The following SLC18B1 variants were observed in gnomAD, a reference collection of about 807,000 sequenced individuals.
SLC18B1 encodes MFS-type transporter SLC18B1.
SLC18B1 carries 62 observed loss-of-function variants against 53.9 expected under a neutral mutation model. The ratio of observed to expected loss-of-function variants is 1.15; its 90% CI spans 0.94 to 1.42. The LOEUF (loss-of-function observed/expected upper bound fraction) is 1.42, where lower values mean the gene tolerates loss of function less well. Among genes scored for constraint, SLC18B1 ranks in the 40% most tolerant of loss-of-function variants. The probability of loss-of-function intolerance (pLI) is 0.00; values close to 1 mark genes in which losing one functional copy is unlikely to be tolerated. For synonymous variants in SLC18B1, 217 were observed against 200.9 expected (o/e 1.08, Z -0.68); for missense variants, 598 against 547.3 (o/e 1.09, Z -0.93).
At chr6:132,780,640 C>T (rs564639271) in intron 6 of SLC18B1, among the ~76,000 whole-genome samples, 12 of 137,384 alleles carry the variant, frequency 8.7e-5, no homozygotes, top group African/African-American at 3.1e-4. Flanking sequence ...CAGCTCACTG[C>T]AACCTCCACC....
intron 5 of SLC18B1, among the ~76,000 whole-genome samples, chr6:132,785,183 T>C (rs1781339680): frequency 6.6e-6 from 1 of 152,014 alleles, no homozygotes; most frequent in African/African-American, 2.4e-5. Context: ...GGAATTTCTC[T>C]GCAAGAAACC....
At chr6:132,790,445 G>A (rs1410704570) in intron 2 of SLC18B1, among the ~76,000 whole-genome samples, 173 bp from the exon 3 acceptor site, 1 of 152,122 alleles carries the variant, frequency 6.6e-6, no homozygotes, top group African/African-American at 2.4e-5. Context: ...ACTATTAATA[G>A]TTTAGATAGT....
chr6:132,797,174 G>A (rs1023290358), intron 1 of SLC18B1, 53 bp from the exon 2 acceptor site: 7 of 1,600,348 alleles, frequency 4.4e-6, no homozygotes, highest in Middle Eastern at 3.3e-4. Flanking sequence ...ACTGATTAAA[G>A]TACACAAATG....
rs77481891 is a variant in SLC18B1, at chr6:132,783,784, A to G, written c.658+149T>C. 2.1e-3 allele frequency: 1,210 copies of G among 579,484 alleles called. 11 individuals carry two copies. Among genetic ancestry groups the G allele is most frequent in the African/African-American group, 0.019 (974 of 50,916 alleles). 35.9% of individuals were successfully genotyped at this position (579,484 alleles called of 1,614,324 possible). ...TTTGTAATTTACAGAAATTCATATA[A>G]ACTAATTGCCTACATTACTGAAAAA... On this transcript the variant is annotated intron_variant, in intron 6 of 13. Transcript: ENST00000275227.
chr6:132,780,818 C>T (rs925409892), intron 6 of SLC18B1, among the ~76,000 whole-genome samples: 5 of 152,030 alleles, frequency 3.3e-5, no homozygotes, highest in African/African-American at 1.2e-4. Context: ...CCTTGGCCTC[C>T]CAAAGTGCTG....
intron 4 of SLC18B1, among the ~76,000 whole-genome samples, chr6:132,787,900 G>A (rs182828856): frequency 1.1e-4 from 16 of 152,122 alleles, no homozygotes; most frequent in South Asian, 2.1e-4. Context: ...AGTGGCTCAC[G>A]CCTGTAATCC....
rs59989552 is a variant in SLC18B1 at position 132,798,425 on chromosome 6, C to T, written c.32G>A (p.Arg11His). The T allele has an allele frequency of 2.6e-6, 4 of 1,534,216 alleles. No homozygotes were observed. The highest frequency in any genetic ancestry group is 2.6e-6 in the Non-Finnish European group (3 of 1,138,604). Residue 11 changes from arginine to histidine, a missense_variant, in exon 1 of 14, where the codon CGC becomes CAC. By Grantham distance (29) the Arg-to-His change is conservative. Transcript: ENST00000275227. ...CAATTCATGGTCACCTCCTGGTGCG[C>T]GTGGTCCCTCCAGGTCACCCAGCGC... is the stretch of plus-strand genomic sequence containing the variant. The part of the protein sequence containing the change: MEALGDLEGP[R>H]APGGDDPAGS...
intron 4 of SLC18B1, among the ~76,000 whole-genome samples, chr6:132,788,828 G>GAA (rs1158922120): frequency 0.077 from 5,440 of 70,196 alleles, 167 homozygotes; most frequent in Non-Finnish European, 0.11. Context: ...ATCTCAAAAA[G>GAA]AAAAAAAAAA....
At chr6:132,784,613 C>T (rs181984986) in intron 5 of SLC18B1, among the ~76,000 whole-genome samples, 3 of 152,146 alleles carry the variant, frequency 2.0e-5, no homozygotes, top group South Asian at 2.1e-4. Flanking sequence ...CTATCTCTAT[C>T]GAACACTCTA....
intron 2 of SLC18B1, among the ~76,000 whole-genome samples, chr6:132,796,024 C>A (rs541946852): frequency 4.4e-4 from 67 of 151,874 alleles, no homozygotes; most frequent in African/African-American, 1.6e-3. Context: ...GCCAGACTGC[C>A]CAACATGGCA....
chr6:132,776,413 C>T lies in SLC18B1; in HGVS notation c.812G>A (p.Gly271Glu). Residue 271 changes from glycine (G) to glutamate (E), a missense_variant, in exon 8 of 14, where the codon GGA becomes GAA. Physicochemically the swap from Gly to Glu is moderately conservative, Grantham distance 98. Coordinates refer to ENST00000275227, the MANE Select transcript of SLC18B1 (RefSeq NM_052831.3). ...ACCCAGGAATACTAGTCCCACATAT[C>T]CAGCTGGTAAATTGAACTGTAAAAG... ...FVLEKFNLPA[G>E]YVGLVFLGMA... is the part of the protein sequence containing the mutation. 1 of 1,613,022 alleles carries T rather than the reference C, an allele frequency of 6.2e-7. No individual in the cohort carries two copies. The highest frequency in any genetic ancestry group is 8.5e-7 in the Non-Finnish European group (1 of 1,179,478).
At position 132,779,272 on chromosome 6, in the gene SLC18B1, TC is replaced by T. The variant is rs761514070; in HGVS notation, c.790del (p.Glu264ArgfsTer12). The T allele has an allele frequency of 1.9e-6, 3 of 1,613,822 alleles. No homozygotes were observed. The South Asian group carries it at 3.3e-5, about 18-fold the overall frequency. The stretch of plus-strand genomic sequence containing the variant: ...TTCAGCAATCAGGTAACTTACCTTC[TC>T]CAAAACAAAGAGAGACAGAGTAGGA... Reference protein sequence around the residue: ...LDPTLSLFVLEKFNLPAGYVG... With the variant: ...LDPTLSLFVLXKFNLPAGYVG... On this transcript the variant is annotated frameshift_variant, in exon 7 of 14. Coordinates refer to ENST00000275227, the MANE Select transcript of SLC18B1 (RefSeq NM_052831.3). LOFTEE classifies it high-confidence loss of function.
intron 2 of SLC18B1, among the ~76,000 whole-genome samples, chr6:132,794,435 C>T (rs2114689089): frequency 1.3e-5 from 2 of 151,836 alleles, no homozygotes; most frequent in South Asian, 4.2e-4. Context: ...TTTAAAAATC[C>T]CAAGTCTGGC....
At position 132,773,090 on chromosome 6, in the gene SLC18B1, T is replaced by A; in HGVS notation, c.990-2A>T. The stretch of plus-strand genomic sequence containing the variant: ...ATCAGCACCAGCAGCCAGAGCTGAC[T>A]GCAAAAGGGTTTTGGAGAAAACAAA... On this transcript the variant is annotated splice_acceptor_variant, in intron 9 of 13. Coordinates refer to ENST00000275227, the MANE Select transcript of SLC18B1 (RefSeq NM_052831.3). LOFTEE classifies it high-confidence loss of function. 6.2e-7 allele frequency: 1 copy of A among 1,609,252 alleles called. No individual in the cohort carries two copies. Among genetic ancestry groups the A allele is most frequent in the Non-Finnish European group, 8.5e-7 (1 of 1,175,810 alleles).
At chr6:132,778,445 G>C (rs187428372) in intron 7 of SLC18B1, among the ~76,000 whole-genome samples, 10 of 152,266 alleles carry the variant, frequency 6.6e-5, no homozygotes, top group Admixed American at 3.3e-4. Flanking sequence ...TCAAGGGGTA[G>C]TGTAAAATTA....
intron 11 of SLC18B1, among the ~76,000 whole-genome samples, chr6:132,771,484 C>T (rs1472898579): frequency 6.6e-6 from 1 of 152,088 alleles, no homozygotes; most frequent in Non-Finnish European, 1.5e-5. Context: ...CATAGTTACC[C>T]TTCTGGTAGA....
intron 4 of SLC18B1, chr6:132,789,541 G>C: frequency 2.3e-6 from 1 of 436,606 alleles, no homozygotes; most frequent in Non-Finnish European, 4.2e-6. Context: ...TAATGAGTAG[G>C]TTCAGTAGCA....
chr6:132,792,280 A>AAAGAAAGGAAGG (rs1554223267), intron 2 of SLC18B1, among the ~76,000 whole-genome samples: 29 of 42,692 alleles, frequency 6.8e-4, no homozygotes, highest in East Asian at 1.1e-3. Flanking sequence ...AGAAAGAAAG[A>AAAGAAAGGAAGG]AAGGAAGAAA....
intron 2 of SLC18B1, among the ~76,000 whole-genome samples, chr6:132,792,906 G>T (rs1390890030): frequency 6.6e-6 from 1 of 152,258 alleles, no homozygotes; most frequent in South Asian, 2.1e-4. Flanking sequence ...ATCACCTGAG[G>T]TCAGGAGTTC....
Sources: gnomAD v4.1 joint callset for allele counts (sites outside exome capture counted in the v4.1 genomes callset) on GRCh38, gnomAD v4.1.1 for gene constraint, MANE v1.5 for transcripts, NCBI Gene and HGNC (gene_info 2026-07-23, HGNC 2026-07-21) for gene names.